Variants in BMP8A observed in about 807,000 individuals in gnomAD.
The protein encoded by BMP8A is bone morphogenetic protein 8a.
A neutral mutation model predicts 36.8 loss-of-function variants in BMP8A; 14 were observed. That is an observed-to-expected ratio of 0.38 (90% CI 0.25 to 0.60). The LOEUF is 0.60. Ranked by LOEUF, BMP8A falls within the 20% of genes least tolerant of loss-of-function variation. The probability of loss-of-function intolerance (pLI) is 0.63; values close to 1 mark genes in which losing one functional copy is unlikely to be tolerated. For synonymous variants in BMP8A, 120 were observed against 237.7 expected (o/e 0.50, Z 4.55); for missense variants, 267 against 551.1 (o/e 0.48, Z 5.16).
rs1306062881 is a variant in BMP8A, at chr1:39,491,864, G to T, written c.-128G>T. On this transcript the variant is annotated 5_prime_UTR_variant, in exon 1 of 7. Transcript: ENST00000331593. ...GCGCTCCAGGGACCGCGCTGAGGCCGCAGACGCCGCCCGCCGAGCCCCGCC... is the reference window on the plus strand; with the variant it reads ...GCGCTCCAGGGACCGCGCTGAGGCCTCAGACGCCGCCCGCCGAGCCCCGCC... 1.5e-5 allele frequency: 13 copies of T among 852,114 alleles called. No homozygotes were observed. The highest frequency in any genetic ancestry group is 1.9e-5 in the Non-Finnish European group (13 of 700,052). 52.8% of individuals were successfully genotyped at this position (852,114 alleles called of 1,614,324 possible).
chr1:39,524,170 T>G lies in BMP8A; in HGVS notation c.1059+1053T>G, dbSNP rs1300125933. ...GGTGATGAGGACGCGTGGGGTGGCCTGGCCCAGCCACCCTTTATGCCGTGT... is the reference window on the plus strand; with the variant it reads ...GGTGATGAGGACGCGTGGGGTGGCCGGGCCCAGCCACCCTTTATGCCGTGT... On this transcript the variant is annotated intron_variant, in intron 6 of 6. Coordinates refer to ENST00000331593, the MANE Select transcript of BMP8A (RefSeq NM_181809.4). The surrounding 1 kb of genome is among the most constrained non-coding windows in gnomAD (Gnocchi z 4.0). Among the ~76,000 whole-genome samples, 1 of 152,192 alleles carries G rather than the reference T, an allele frequency of 6.6e-6. No homozygotes were observed. Among genetic ancestry groups the G allele is most frequent in the African/African-American group, 2.4e-5 (1 of 41,466 alleles).
chr1:39,525,969 C>A lies in BMP8A; in HGVS notation c.*171C>A, dbSNP rs1645479707. ...CCTTTCTCGGTACCTCTGTGCCCCT[C>A]CCCTGGGGTTTGTGGCTGTCACTCT... On this transcript the variant is annotated 3_prime_UTR_variant, in exon 7 of 7. Coordinates refer to ENST00000331593, the MANE Select transcript of BMP8A (RefSeq NM_181809.4). 2.5e-6 allele frequency: 3 copies of A among 1,188,738 alleles called. No individual in the cohort carries two copies. The highest frequency in any genetic ancestry group is 2.6e-5 in the Admixed American group (1 of 38,676). The allele number at this position is 1,188,738 out of a possible 1,614,324, so 73.6% of individuals were successfully genotyped here.
intron 1 of BMP8A, among the ~76,000 whole-genome samples, chr1:39,508,273 A>G (rs565663915): frequency 5.9e-5 from 9 of 151,450 alleles, no homozygotes; most frequent in Admixed American, 5.9e-4. Context: ...AAGAAAAAAG[A>G]AAAAAAGAAA....
chr1:39,504,302 C>T (rs550240978), intron 1 of BMP8A, among the ~76,000 whole-genome samples: 1 of 152,160 alleles, frequency 6.6e-6, no homozygotes, highest in South Asian at 2.1e-4. Context: ...TCTCTGAGTT[C>T]CCTCAGTATT....
At chr1:39,495,045 C>G (rs970841866) in intron 1 of BMP8A, among the ~76,000 whole-genome samples, 4 of 152,100 alleles carry the variant, frequency 2.6e-5, no homozygotes, top group Non-Finnish European at 5.9e-5. Flanking sequence ...TGGATAGACA[C>G]GTACCAGGAT....
chr1:39,492,092 G>T lies in BMP8A; in HGVS notation c.101G>T (p.Arg34Leu). Residue 34 changes from arginine to leucine, a missense_variant, in exon 1 of 7, where the codon CGA becomes CTA. Transcript: ENST00000331593. The stretch of plus-strand genomic sequence containing the variant: ...CGACCCCCGCCCGGCTGTCCCCAGC[G>T]ACGTCTGGGCGCGCGCGAGCGCCGG... ...GLRPPPGCPQ[R>L]RLGARERRDV... 1.7e-6 allele frequency: 2 copies of T among 1,159,744 alleles called. No individual in the cohort carries two copies. Among genetic ancestry groups the T allele is most frequent in the Non-Finnish European group, 2.1e-6 (2 of 944,922 alleles). The allele number at this position is 1,159,744 out of a possible 1,614,324, so 71.8% of individuals were successfully genotyped here. A position where few individuals can be genotyped will look rare whatever the true frequency, so the allele number is the denominator to read the frequency against.
In BMP8A at chr1:39,528,486, GAAC is replaced by G. The variant is rs1645505009; in HGVS notation, c.*2692_*2694del. Among the ~76,000 whole-genome samples the G allele has an allele frequency of 6.6e-6, 1 of 152,212 alleles. No homozygotes were observed. The highest frequency in any genetic ancestry group is 2.4e-5 in the African/African-American group (1 of 41,446). On this transcript the variant is annotated 3_prime_UTR_variant, in exon 7 of 7. Transcript: ENST00000331593. ...AGGGAGTCTGGGGCCATTTGGTGCAGAACAACCCCCAACCCAGTGGCCATCTTC... is the reference window on the plus strand; with the variant it reads ...AGGGAGTCTGGGGCCATTTGGTGCAGAACCCCCAACCCAGTGGCCATCTTC...
intron 1 of BMP8A, among the ~76,000 whole-genome samples, chr1:39,510,613 G>A (rs1645344990): frequency 6.6e-6 from 1 of 151,470 alleles, no homozygotes; most frequent in South Asian, 2.1e-4. Flanking sequence ...TGACACCATG[G>A]CAGATTCGCA....
At chr1:39,501,666 G>A (rs941285934) in intron 1 of BMP8A, among the ~76,000 whole-genome samples, 1 of 152,172 alleles carries the variant, frequency 6.6e-6, no homozygotes. Flanking sequence ...GCCTCCCTAT[G>A]TTGCCCAGGC....
At chr1:39,523,412 C>G (rs760761689) in intron 6 of BMP8A, 116 of 1,034,712 alleles carry the variant, frequency 1.1e-4, no homozygotes, top group Non-Finnish European at 1.5e-4. Flanking sequence ...CACCTGCGTG[C>G]GGCGCTCAGA....
intron 6 of BMP8A, chr1:39,525,162 G>T: frequency 6.2e-6 from 1 of 162,190 alleles, no homozygotes. Flanking sequence ...CTGGGAGAAG[G>T]AGCAGCACAG....
intron 1 of BMP8A, among the ~76,000 whole-genome samples, chr1:39,508,107 T>C (rs1389219182): frequency 6.6e-6 from 1 of 152,056 alleles, no homozygotes; most frequent in Non-Finnish European, 1.5e-5. Context: ...AAAAATTAGC[T>C]AGGCGTGGTT....
intron 1 of BMP8A, among the ~76,000 whole-genome samples, chr1:39,501,030 C>T (rs1459536764): frequency 3.3e-5 from 5 of 152,216 alleles, no homozygotes; most frequent in Non-Finnish European, 5.9e-5. Context: ...GTGAGAGCCT[C>T]AGGCTACTTC....
rs114567103 is a variant in BMP8A, at chr1:39,501,359, C to T, written c.334+9034C>T. ...AGGGGTATATTATCTGTACTGTTCA[C>T]CTTGCTTTTTTCTTTTTCTTTTTTT... is the stretch of plus-strand genomic sequence containing the variant. On this transcript the variant is annotated intron_variant, in intron 1 of 6. Coordinates refer to ENST00000331593, the MANE Select transcript of BMP8A (RefSeq NM_181809.4). Among the ~76,000 whole-genome samples, 174 of 152,272 alleles carry T rather than the reference C, an allele frequency of 1.1e-3. 1 individual carries two copies. The highest frequency in any genetic ancestry group is 3.9e-3 in the African/African-American group (163 of 41,548).
In BMP8A at chr1:39,529,540, T is replaced by C. The variant is rs1396154928; in HGVS notation, c.*3742T>C. Among the ~76,000 whole-genome samples the C allele has an allele frequency of 6.6e-6, 1 of 152,208 alleles. No individual in the cohort carries two copies. The highest frequency in any genetic ancestry group is 1.9e-4 in the East Asian group (1 of 5,186). On this transcript the variant is annotated 3_prime_UTR_variant, in exon 7 of 7. Transcript: ENST00000331593. ...CCAGGTTCCTTTCCTTACTGAAAAG[T>C]CTTGAGCAAACAGTTGCCGCTCTCC...
chr1:39,505,910 C>T, intron 1 of BMP8A, among the ~76,000 whole-genome samples: 1 of 142,540 alleles, frequency 7.0e-6, no homozygotes, highest in South Asian at 2.2e-4. Context: ...CACCTGAGCC[C>T]AGGTGGTTGA....
chr1:39,519,413 C>G (rs1399717891), intron 3 of BMP8A, among the ~76,000 whole-genome samples: 2 of 136,920 alleles, frequency 1.5e-5, no homozygotes, highest in Non-Finnish European at 3.3e-5. Flanking sequence ...TGCTGCTTCC[C>G]CATAACCTTG....
chr1:39,505,921 G>A (rs1645296730), intron 1 of BMP8A, among the ~76,000 whole-genome samples: 2 of 148,094 alleles, frequency 1.4e-5, no homozygotes, highest in African/African-American at 4.9e-5. Flanking sequence ...AGGTGGTTGA[G>A]GCTGCAGTGA....
chr1:39,509,233 CAT>C (rs1645329552), intron 1 of BMP8A, among the ~76,000 whole-genome samples: 1 of 152,214 alleles, frequency 6.6e-6, no homozygotes, highest in Admixed American at 6.5e-5. Context: ...ATCACTGTCG[CAT>C]GCCCTGTGAC....
Sources: gnomAD v4.1 joint callset for allele counts (sites outside exome capture counted in the v4.1 genomes callset) on GRCh38, gnomAD v4.1.1 for gene constraint, Gnocchi (gnomAD v3.1) non-coding constraint, MANE v1.5 for transcripts, NCBI Gene and HGNC (gene_info 2026-07-23, HGNC 2026-07-21) for gene names.